Variants in PGS1 observed in about 807,000 individuals in gnomAD.
The protein encoded by PGS1 is phosphatidylglycerophosphate synthase 1, also known as CDP-diacylglycerol--glycerol-3-phosphate 3-phosphatidyltransferase, mitochondrial.
PGS1 carries 44 observed loss-of-function variants against 58.3 expected under a neutral mutation model. The ratio of observed to expected loss-of-function variants is 0.75; its 90% CI spans 0.59 to 0.97. The LOEUF is 0.97. PGS1 is among the 50% of genes least tolerant of loss of function. The probability of loss-of-function intolerance (pLI) is 0.00; values close to 1 mark genes in which losing one functional copy is unlikely to be tolerated. For missense variants in PGS1, 684 were observed against 731.1 expected (o/e 0.94, Z 0.74); for synonymous variants, 330 against 311.0 (o/e 1.06, Z -0.64).
At chr17:78,393,912 TGG>T (rs78493579) in intron 2 of PGS1, among the ~76,000 whole-genome samples, 152,137 of 152,138 alleles carry the variant, frequency 1, 76,068 homozygotes, top group Non-Finnish European at 1. Context: ...CCAGGCGTGG[TGG>T]GGCCTATGCC....
In PGS1 at chr17:78,378,774, C is replaced by A; in HGVS notation, c.109C>A (p.Arg37Ser). Residue 37 changes from arginine (R) to serine (S), a missense_variant, in exon 1 of 10, where the codon CGC (arginine) becomes AGC (serine). Coordinates refer to ENST00000262764, the MANE Select transcript of PGS1 (RefSeq NM_024419.5). Reference sequence around the variant, plus strand: ...CGCGCTCCTGGGACGCCTGTCCGACCGCCTCGGCAGGAACCGGGACCGCCA... The same window carrying A: ...CGCGCTCCTGGGACGCCTGTCCGACAGCCTCGGCAGGAACCGGGACCGCCA... ...LAALLGRLSD[R>S]LGRNRDRQRR... 1 of 1,491,440 alleles carries A rather than the reference C, an allele frequency of 6.7e-7. No homozygotes were observed. Among genetic ancestry groups the A allele is most frequent in the Non-Finnish European group, 8.9e-7 (1 of 1,127,682 alleles). 92.4% of individuals were successfully genotyped at this position (1,491,440 alleles called of 1,614,324 possible).
chr17:78,399,569 C>T, intron 5 of PGS1, 32 bp downstream of exon 5: 1 of 1,608,250 alleles, frequency 6.2e-7, no homozygotes, highest in Non-Finnish European at 8.5e-7. Context: ...TGCTTTTGCC[C>T]TCCTGCTCTG....
chr17:78,401,086 C>A (rs938541873), intron 6 of PGS1, among the ~76,000 whole-genome samples: 2 of 152,020 alleles, frequency 1.3e-5, no homozygotes, highest in Admixed American at 6.6e-5. Context: ...GACTCCTACT[C>A]CTTGAGGCGG....
At chr17:78,391,928 T>C (rs2082866009) in intron 1 of PGS1, among the ~76,000 whole-genome samples, 1 of 152,220 alleles carries the variant, frequency 6.6e-6, no homozygotes, top group South Asian at 2.1e-4. Flanking sequence ...TCGGCATAAA[T>C]TGGATTTTTA....
At chr17:78,423,763 TGTGCTTG>T in intron 9 of PGS1, 2 of 1,096,684 alleles carry the variant, frequency 1.8e-6, no homozygotes, top group Non-Finnish European at 2.6e-6. Flanking sequence ...CTGGTTCCGA[TGTGCTTG>T]GTTACAAAGC....
intron 1 of PGS1, among the ~76,000 whole-genome samples, chr17:78,389,795 T>C (rs1365640801): frequency 6.6e-6 from 1 of 152,000 alleles, no homozygotes; most frequent in African/African-American, 2.4e-5. Context: ...TTTGTGTTTT[T>C]AGTAGAGACG....
chr17:78,417,462 G>A (rs915497668), intron 8 of PGS1, among the ~76,000 whole-genome samples: 2 of 152,028 alleles, frequency 1.3e-5, no homozygotes, highest in African/African-American at 4.8e-5. Flanking sequence ...CTGAGCATGG[G>A]ACGGGGGCAG....
chr17:78,420,876 G>C (rs1270938960), intron 9 of PGS1: 1 of 152,116 alleles, frequency 6.6e-6, no homozygotes, highest in Non-Finnish European at 1.5e-5. Flanking sequence ...ATATCCTGCT[G>C]TCTTCCCCCA....
In PGS1 at chr17:78,423,791, T is replaced by G. The variant is rs531093474; in HGVS notation, c.*11-270T>G. On this transcript the variant is annotated intron_variant, in intron 9 of 9. Transcript: ENST00000262764. Reference sequence around the variant, plus strand: ...GCTTGGTTACAAAGCACCTGATTATTTAAGAGAACGAAAAACCACCACCAG... The same window carrying G: ...GCTTGGTTACAAAGCACCTGATTATGTAAGAGAACGAAAAACCACCACCAG... The G allele has an allele frequency of 3.6e-6, 5 of 1,372,576 alleles. No individual in the cohort carries two copies. In the South Asian group the frequency reaches 6.6e-5, roughly 18 times the overall value. The allele number at this position is 1,372,576 out of a possible 1,614,324, so 85.0% of individuals were successfully genotyped here. A position where few individuals can be genotyped will look rare whatever the true frequency, so the allele number is the denominator to read the frequency against.
chr17:78,387,370 G>A (rs911013879), intron 1 of PGS1, among the ~76,000 whole-genome samples: 4 of 150,640 alleles, frequency 2.7e-5, no homozygotes, highest in African/African-American at 9.8e-5. Context: ...CGCGATCTGG[G>A]CTCACTGCAA....
intron 1 of PGS1, 57 bp downstream of exon 1, chr17:78,378,865 G>A (rs1179870075): frequency 2.2e-6 from 3 of 1,352,542 alleles, no homozygotes; most frequent in Non-Finnish European, 2.8e-6. Flanking sequence ...CCGGCCCCCC[G>A]GCGCTCAAAC....
intron 2 of PGS1, among the ~76,000 whole-genome samples, chr17:78,394,212 G>GA (rs2083054223): frequency 6.7e-6 from 1 of 148,244 alleles, no homozygotes; most frequent in East Asian, 2.0e-4. Flanking sequence ...ATGAAGGTCT[G>GA]ATGGGGCCAG....
intron 2 of PGS1, among the ~76,000 whole-genome samples, chr17:78,393,063 CTT>C (rs772201899): frequency 2.3e-4 from 32 of 141,570 alleles, no homozygotes; most frequent in Middle Eastern, 3.6e-3. Flanking sequence ...GACTTCGATT[CTT>C]TTTTTTTTTT....
intron 2 of PGS1, among the ~76,000 whole-genome samples, chr17:78,393,126 T>C (rs1168944020): frequency 6.6e-6 from 1 of 151,016 alleles, no homozygotes. Context: ...AGTGGCTCAA[T>C]CTTGGCTCAC....
rs745453655 is a variant in PGS1 at position 78,414,879 on chromosome 17, G to T, written c.1403G>T (p.Gly468Val). Residue 468 changes from glycine to valine, a missense_variant and splice_region_variant, in exon 8 of 10, where the codon GGC (glycine) becomes GTC (valine). Gly to Val is a moderately radical substitution (Grantham distance 109). Coordinates refer to ENST00000262764, the MANE Select transcript of PGS1 (RefSeq NM_024419.5). ...WRRGWTFHAK[G>V]LWLYLAGSSL... ...TCTGCACGTTTCCTTTTCCCCGCAG[G>T]CCTCTGGCTGTACCTGGCAGGGAGC... 1.2e-6 allele frequency: 2 copies of T among 1,614,010 alleles called. No individual in the cohort carries two copies. Among genetic ancestry groups the T allele is most frequent in the East Asian group, 4.5e-5 (2 of 44,872 alleles).
At chr17:78,402,049 G>T (rs55633207) in intron 6 of PGS1, among the ~76,000 whole-genome samples, 93,159 of 151,740 alleles carry the variant, frequency 0.61, 28,665 homozygotes, top group Admixed American at 0.65. Context: ...CAGGGTGTGC[G>T]CAGGGCCCCC....
At chr17:78,394,212 G>C (rs537622767) in intron 2 of PGS1, among the ~76,000 whole-genome samples, 9 of 148,244 alleles carry the variant, frequency 6.1e-5, no homozygotes, top group Non-Finnish European at 1.3e-4. Flanking sequence ...ATGAAGGTCT[G>C]ATGGGGCCAG....
At chr17:78,408,475 A>G (rs1267571203) in intron 7 of PGS1, among the ~76,000 whole-genome samples, 3 of 152,168 alleles carry the variant, frequency 2.0e-5, no homozygotes, top group Non-Finnish European at 4.4e-5. Flanking sequence ...GACTTTCTAT[A>G]AAATAACCGT....
chr17:78,395,760 A>G (rs542675381), intron 2 of PGS1, among the ~76,000 whole-genome samples: 1 of 152,322 alleles, frequency 6.6e-6, no homozygotes, highest in East Asian at 1.9e-4. Context: ...CAGGTTTGAG[A>G]CAGAATCTTG....
Sources: allele counts gnomAD v4.1 joint callset (sites outside exome capture counted in the v4.1 genomes callset), GRCh38; gene constraint gnomAD v4.1.1; transcripts MANE v1.5; gene names NCBI Gene and HGNC (gene_info 2026-07-23, HGNC 2026-07-21).